SHB: variants seen among roughly 807,000 people sequenced by gnomAD.
SHB encodes SH2 domain containing adaptor protein B, also known as SH2 domain-containing adapter protein B.
In SHB, 20 loss-of-function variants were observed where a neutral mutation model predicts 52.3. The ratio of observed to expected loss-of-function variants is 0.38; its 90% CI spans 0.27 to 0.56. The LOEUF is 0.56. SHB is among the 20% of genes least tolerant of loss of function. The pLI is 0.71. For missense variants in SHB, 825 were observed against 723.3 expected (o/e 1.14, Z -1.61); for synonymous variants, 397 against 316.5 (o/e 1.25, Z -2.70).
intron 1 of SHB, among the ~76,000 whole-genome samples, chr9:38,041,565 A>G (rs1821577435): frequency 6.6e-6 from 1 of 151,304 alleles, no homozygotes; most frequent in South Asian, 2.1e-4. Context: ...GAGGTATAAA[A>G]CTTCGGTGAG....
intron 5 of SHB, among the ~76,000 whole-genome samples, chr9:37,926,919 A>T (rs922035954): frequency 6.6e-6 from 1 of 152,212 alleles, no homozygotes; most frequent in African/African-American, 2.4e-5. Context: ...CCACTCACAC[A>T]GGGCCTGGCC....
intron 1 of SHB, among the ~76,000 whole-genome samples, chr9:38,067,114 G>A (rs73439948): frequency 0.015 from 2,271 of 152,226 alleles, 58 homozygotes; most frequent in African/African-American, 0.043. Flanking sequence ...AGGAATCTAG[G>A]TGGCCTAATG....
intron 2 of SHB, among the ~76,000 whole-genome samples, chr9:38,011,126 A>T (rs188731374): frequency 6.6e-6 from 1 of 152,148 alleles, no homozygotes; most frequent in African/African-American, 2.4e-5. Flanking sequence ...TTCCTGCTGC[A>T]TCAGCAGGAT....
At chr9:37,933,954 C>T (rs971552620) in intron 5 of SHB, among the ~76,000 whole-genome samples, 1 of 152,228 alleles carries the variant, frequency 6.6e-6, no homozygotes, top group Non-Finnish European at 1.5e-5. Context: ...CCAGCTGTGC[C>T]CCTGGGGCAG....
intron 2 of SHB, among the ~76,000 whole-genome samples, chr9:38,003,239 G>A (rs1366009285): frequency 6.6e-6 from 1 of 152,022 alleles, no homozygotes; most frequent in African/African-American, 2.4e-5. Flanking sequence ...CCCCAGGTGG[G>A]TGCTTTTCAC....
chr9:38,042,009 G>C (rs1444758839), intron 1 of SHB, among the ~76,000 whole-genome samples: 1 of 152,214 alleles, frequency 6.6e-6, no homozygotes, highest in African/African-American at 2.4e-5. Flanking sequence ...GCTGCAGTCT[G>C]TTCTAATTAT....
intron 1 of SHB, among the ~76,000 whole-genome samples, chr9:38,049,950 C>CCA (rs1162269942): frequency 6.6e-6 from 1 of 152,152 alleles, no homozygotes; most frequent in Non-Finnish European, 1.5e-5. Context: ...CAGGCATGTG[C>CCA]CACCACACCC....
chr9:38,034,302 T>C (rs574507027), intron 1 of SHB, among the ~76,000 whole-genome samples: 1 of 152,240 alleles, frequency 6.6e-6, no homozygotes, highest in African/African-American at 2.4e-5. Context: ...GCAGTGCTCA[T>C]GTGGTCTAAC....
At chr9:37,982,583 G>A (rs532026436) in intron 2 of SHB, among the ~76,000 whole-genome samples, 103 of 151,664 alleles carry the variant, frequency 6.8e-4, no homozygotes, top group African/African-American at 2.3e-3. Flanking sequence ...ATGAGTTCAG[G>A]AGATTGAAAC....
intron 1 of SHB, among the ~76,000 whole-genome samples, chr9:38,046,072 C>T (rs146258011): frequency 1.4e-4 from 21 of 151,400 alleles, no homozygotes; most frequent in African/African-American, 3.9e-4. Flanking sequence ...ACTAAAAATA[C>T]GAAAATTAGC....
intron 5 of SHB, among the ~76,000 whole-genome samples, chr9:37,934,581 G>A (rs1002428793): frequency 2.0e-5 from 3 of 152,134 alleles, no homozygotes; most frequent in African/African-American, 4.8e-5. Context: ...GATTACAGGC[G>A]TGAGCCACTG....
At chr9:38,010,985 G>A (rs1821133249) in intron 2 of SHB, among the ~76,000 whole-genome samples, 1 of 152,248 alleles carries the variant, frequency 6.6e-6, no homozygotes, top group Non-Finnish European at 1.5e-5. Context: ...TTATGCACAT[G>A]TGCAAAGTTT....
At chr9:37,928,662 T>C (rs879912802) in intron 5 of SHB, among the ~76,000 whole-genome samples, 2 of 152,270 alleles carry the variant, frequency 1.3e-5, no homozygotes, top group Middle Eastern at 3.4e-3. Context: ...ATCCACAACA[T>C]GGGAATAACC....
intron 3 of SHB, among the ~76,000 whole-genome samples, chr9:37,970,872 C>T (rs1820583355): frequency 6.6e-6 from 1 of 152,054 alleles, no homozygotes; most frequent in Non-Finnish European, 1.5e-5. Context: ...AGGAGTCCCC[C>T]ACACTCTCCA....
chr9:38,019,900 T>A (rs1329461280), intron 1 of SHB, among the ~76,000 whole-genome samples: 4 of 151,778 alleles, frequency 2.6e-5, no homozygotes, highest in Non-Finnish European at 5.9e-5. Flanking sequence ...AAAAAAAAAA[T>A]TTAAAAAAAG....
chr9:37,966,540 A>C (rs1016340499), intron 3 of SHB, among the ~76,000 whole-genome samples: 1 of 152,234 alleles, frequency 6.6e-6, no homozygotes, highest in Non-Finnish European at 1.5e-5. Context: ...TCCTGGGCAG[A>C]CCTGCTGTTC....
At chr9:37,973,089 T>C (rs922401238) in intron 3 of SHB, among the ~76,000 whole-genome samples, 1 of 152,236 alleles carries the variant, frequency 6.6e-6, no homozygotes, top group Non-Finnish European at 1.5e-5. Flanking sequence ...TATTATGAAC[T>C]CTTGCTGAAC....
chr9:37,969,623 C>T (rs1181160901), intron 3 of SHB, among the ~76,000 whole-genome samples: 1 of 152,202 alleles, frequency 6.6e-6, no homozygotes, highest in African/African-American at 2.4e-5. Flanking sequence ...GTGTCTTTGC[C>T]ACCTCCACCG....
intron 2 of SHB, among the ~76,000 whole-genome samples, chr9:37,976,080 G>A (rs748637457): frequency 6.6e-6 from 1 of 152,112 alleles, no homozygotes; most frequent in African/African-American, 2.4e-5. Flanking sequence ...CTGTTACCCA[G>A]GCTGGAGTGC....
Sources: allele counts gnomAD v4.1 joint callset (sites outside exome capture counted in the v4.1 genomes callset), GRCh38; gene constraint gnomAD v4.1.1; transcripts MANE v1.5; gene names NCBI Gene and HGNC (gene_info 2026-07-23, HGNC 2026-07-21).